The following TSNARE1 variants were observed in gnomAD, a reference collection of about 807,000 sequenced individuals.
TSNARE1 encodes t-SNARE domain containing 1, also known as t-SNARE domain-containing protein 1.
TSNARE1 carries 49 observed loss-of-function variants against 62.0 expected under a neutral mutation model. That is an observed-to-expected ratio of 0.79 (90% CI 0.63 to 1.00). The LOEUF (loss-of-function observed/expected upper bound fraction) is 1.00, where lower values mean the gene tolerates loss of function less well. Among genes scored for constraint, TSNARE1 ranks in the 50% least tolerant of loss-of-function variants. The pLI is 0.00. For synonymous variants in TSNARE1, 328 were observed against 294.4 expected, an observed-to-expected ratio of 1.11 and a Z score of -1.17; for missense variants, 755 against 700.1, an observed-to-expected ratio of 1.08 and a Z score of -0.88.
At chr8:142,215,520 C>T (rs892623108) in intron 13 of TSNARE1, among the ~76,000 whole-genome samples, 8 of 152,146 alleles carry the variant, frequency 5.3e-5, no homozygotes, top group Admixed American at 3.3e-4. Context: ...CACCACCACC[C>T]CTCAGCCTCC....
At chr8:142,276,047 C>T (rs1329551964) in intron 11 of TSNARE1, 1 of 985,318 alleles carries the variant, frequency 1.0e-6, no homozygotes, top group African/African-American at 1.7e-5. Context: ...AACCCTTGGT[C>T]ACCAGCTCCA....
intron 6 of TSNARE1, among the ~76,000 whole-genome samples, chr8:142,320,542 TG>T (rs1478736091): frequency 1.3e-5 from 2 of 151,606 alleles, no homozygotes; most frequent in Non-Finnish European, 2.9e-5. Context: ...CCCACGTGGG[TG>T]GCCTCCTGTA....
chr8:142,270,545 G>C, intron 12 of TSNARE1: 1 of 983,176 alleles, frequency 1.0e-6, no homozygotes, highest in South Asian at 4.7e-5. Flanking sequence ...ATTATTCCAG[G>C]CATATGGGAT....
At position 142,307,410 on chromosome 8, in the gene TSNARE1, G is replaced by A. The variant is rs188796656; in HGVS notation, c.1132-6766C>T. 2.1e-3 allele frequency among the ~76,000 whole-genome samples: 320 copies of A among 152,306 alleles called. 2 individuals carry two copies. The highest frequency in any genetic ancestry group is 3.4e-3 in the Non-Finnish European group (232 of 68,024). ...CAACACACAGTTGTCCTGTCTCCAC[G>A]GGGGAGTGGCCGAGGACTTCCACAG... On this transcript the variant is annotated intron_variant, in intron 9 of 13. Transcript: ENST00000524325.
At chr8:142,350,128 AG>A (rs2130622010) in intron 2 of TSNARE1, among the ~76,000 whole-genome samples, 1 of 91,190 alleles carries the variant, frequency 1.1e-5, no homozygotes, top group East Asian at 3.5e-4. Context: ...GGCTGGGACC[AG>A]GGCAGGCAGG....
intron 1 of TSNARE1, among the ~76,000 whole-genome samples, chr8:142,358,788 A>C (rs1834936920): frequency 6.6e-6 from 1 of 151,996 alleles, no homozygotes; most frequent in Non-Finnish European, 1.5e-5. Context: ...CAACCCCCCC[A>C]TCGCTGGGAG....
intron 1 of TSNARE1, among the ~76,000 whole-genome samples, chr8:142,398,933 T>A (rs1027969414): frequency 6.6e-6 from 1 of 151,918 alleles, no homozygotes; most frequent in Non-Finnish European, 1.5e-5. Context: ...TTCACCCCCA[T>A]CCCAGACTCA....
intron 12 of TSNARE1, among the ~76,000 whole-genome samples, chr8:142,249,050 C>A (rs1719797578): frequency 6.6e-6 from 1 of 152,244 alleles, no homozygotes; most frequent in Non-Finnish European, 1.5e-5. Context: ...ATGCTACCTC[C>A]CCAACAGGAA....
intron 1 of TSNARE1, among the ~76,000 whole-genome samples, chr8:142,378,374 C>T (rs1836493744): frequency 6.6e-6 from 1 of 152,156 alleles, no homozygotes; most frequent in Non-Finnish European, 1.5e-5. Context: ...GGGAGGGGCA[C>T]AAGGGACTCT....
intron 11 of TSNARE1, chr8:142,276,319 G>C (rs984281142): frequency 2.0e-6 from 2 of 985,346 alleles, no homozygotes; most frequent in Non-Finnish European, 2.4e-6. Flanking sequence ...GACCCTCTGA[G>C]CCAATGGAGG....
intron 13 of TSNARE1, among the ~76,000 whole-genome samples, chr8:142,217,493 G>T (rs887104401): frequency 2.0e-5 from 3 of 152,188 alleles, no homozygotes; most frequent in Non-Finnish European, 4.4e-5. Context: ...GGCCAGAGGC[G>T]AGAGCCAGCA....
In TSNARE1 at chr8:142,352,275, G is replaced by A. The variant is rs539261076; in HGVS notation, c.88+2362C>T. On this transcript the variant is annotated intron_variant, in intron 2 of 13. Transcript: ENST00000524325. ...GAAGACCCACATGCCCAATAAACACGAAAAGGGGATCCACCCCATTCATTA... is the reference window on the plus strand; with the variant it reads ...GAAGACCCACATGCCCAATAAACACAAAAAGGGGATCCACCCCATTCATTA... 3.3e-5 allele frequency among the ~76,000 whole-genome samples: 5 copies of A among 152,324 alleles called. No individual in the cohort carries two copies. The East Asian group carries it at 7.7e-4, about 24-fold the overall frequency.
chr8:142,227,394 C>T (rs564455828), intron 13 of TSNARE1, among the ~76,000 whole-genome samples: 3 of 68,752 alleles, frequency 4.4e-5, no homozygotes, highest in South Asian at 3.7e-4. Flanking sequence ...TGCCAATAGC[C>T]CCAGTGACAG....
chr8:142,241,596 A>C (rs1466341888), intron 12 of TSNARE1, among the ~76,000 whole-genome samples: 1 of 152,238 alleles, frequency 6.6e-6, no homozygotes, highest in Non-Finnish European at 1.5e-5. Flanking sequence ...ACATTAAATA[A>C]TCTCAAAATC....
rs758246573 is a variant in TSNARE1 at position 142,371,364 on chromosome 8, C to T, written c.-39-16601G>A. Among the ~76,000 whole-genome samples the T allele has an allele frequency of 2.6e-5, 4 of 152,250 alleles. No homozygotes were observed. The East Asian group carries it at 5.8e-4, about 22-fold the overall frequency. On this transcript the variant is annotated intron_variant, in intron 1 of 13. Transcript: ENST00000524325. ...TGAATGGCTGCCAGGGGCTAGGGGT[C>T]GGCCATAGGGATGGACTGCAGGGGG...
intron 7 of TSNARE1, 114 bp from the exon 8 acceptor site, chr8:142,315,206 G>A: frequency 9.5e-7 from 1 of 1,050,096 alleles, no homozygotes. Context: ...TCAGAATGGG[G>A]CTCGCCATCA....
chr8:142,334,973 G>T (rs75657798), intron 4 of TSNARE1, among the ~76,000 whole-genome samples: 2,725 of 152,306 alleles, frequency 0.018, 86 homozygotes, highest in African/African-American at 0.062. Context: ...CAAGAAACCT[G>T]GATCTCCCTG....
chr8:142,316,456 T>C lies in TSNARE1; in HGVS notation c.985-1364A>G, dbSNP rs531659712. On this transcript the variant is annotated intron_variant, in intron 7 of 13. Transcript: ENST00000524325. ...GGACTGCTGCCTCTGTTACAGTTTTTTAGTGTAACTAACTTTTGAACTGAC... is the reference window on the plus strand; with the variant it reads ...GGACTGCTGCCTCTGTTACAGTTTTCTAGTGTAACTAACTTTTGAACTGAC... 3.3e-5 allele frequency among the ~76,000 whole-genome samples: 5 copies of C among 151,928 alleles called. No individual in the cohort carries two copies. The Admixed American group carries it at 3.3e-4, about 10-fold the overall frequency.
chr8:142,367,206 C>T (rs1180227311), intron 1 of TSNARE1, among the ~76,000 whole-genome samples: 1 of 152,128 alleles, frequency 6.6e-6, no homozygotes, highest in Non-Finnish European at 1.5e-5. Flanking sequence ...ATAAAAATAC[C>T]ATCATGCGTT....
Sources: gnomAD v4.1 joint callset for allele counts (sites outside exome capture counted in the v4.1 genomes callset) on GRCh38, gnomAD v4.1.1 for gene constraint, MANE v1.5 for transcripts, NCBI Gene and HGNC (gene_info 2026-07-23, HGNC 2026-07-21) for gene names.